Variants in RNF130 observed in about 807,000 individuals in gnomAD.
RNF130 encodes the protein E3 ubiquitin-protein ligase RNF130.
RNF130 carries 21 observed loss-of-function variants against 44.6 expected under a neutral mutation model. The observed-to-expected ratio is 0.47, with a 90% confidence interval of 0.33 to 0.68. The LOEUF is 0.68. Ranked by LOEUF, RNF130 falls within the 30% of genes least tolerant of loss-of-function variation. RNF130 has a pLI of 0.02. For missense variants in RNF130, 479 were observed against 560.6 expected (o/e 0.85, Z 1.47); for synonymous variants, 214 against 210.4 (o/e 1.02, Z -0.15).
intron 2 of RNF130, among the ~76,000 whole-genome samples, chr5:180,018,392 G>A (rs777016831): frequency 2.0e-5 from 3 of 152,170 alleles, no homozygotes; most frequent in Non-Finnish European, 2.9e-5. Flanking sequence ...TTACAATCAT[G>A]GCAGAAGGCA....
At chr5:180,048,551 T>A (rs1259104462) in intron 1 of RNF130, among the ~76,000 whole-genome samples, 1 of 152,066 alleles carries the variant, frequency 6.6e-6, no homozygotes, top group Admixed American at 6.5e-5. Flanking sequence ...GGTGGGAGAA[T>A]CCCTTGAGCC....
At chr5:180,004,493 C>T (rs1290900903) in intron 3 of RNF130, among the ~76,000 whole-genome samples, 1 of 152,190 alleles carries the variant, frequency 6.6e-6, no homozygotes, top group East Asian at 1.9e-4. Flanking sequence ...CACTTCAGTT[C>T]TTCCTCCACT....
At chr5:179,972,111 G>C (rs1719028786) in intron 5 of RNF130, among the ~76,000 whole-genome samples, 1 of 152,164 alleles carries the variant, frequency 6.6e-6, no homozygotes, top group African/African-American at 2.4e-5. Context: ...GTTATGTCTT[G>C]TTACTCGTAG....
chr5:179,917,400 TCTTC>T (rs1324559526), exon 8 of RNF130: 1 of 152,276 alleles, frequency 6.6e-6, no homozygotes, highest in East Asian at 1.9e-4. Flanking sequence ...CTCCTCAGCC[TCTTC>T]CTTACTTCAA....
chr5:180,036,439 C>G (rs1764251005), intron 2 of RNF130, among the ~76,000 whole-genome samples: 2 of 152,216 alleles, frequency 1.3e-5, no homozygotes, highest in African/African-American at 4.8e-5. Context: ...ACAGAAACTG[C>G]CAGTCCTTGC....
intron 1 of RNF130, among the ~76,000 whole-genome samples, chr5:180,058,021 C>A (rs910732728): frequency 6.6e-6 from 1 of 152,152 alleles, no homozygotes; most frequent in Admixed American, 6.6e-5. Context: ...TGTAGGACAT[C>A]CAATTGATGT....
Position 180,040,491 on chromosome 5 carries a change from T to C in RNF130, c.404A>G (p.Asn135Ser). 1 of 1,614,054 alleles carries C rather than the reference T, an allele frequency of 6.2e-7. No homozygotes were observed. Among genetic ancestry groups the C allele is most frequent in the Non-Finnish European group, 8.5e-7 (1 of 1,179,958 alleles). Residue 135 changes from asparagine (N) to serine (S), a missense_variant, in exon 2 of 9, where the codon AAT becomes AGT. By Grantham distance (46) the Asn-to-Ser change is conservative. Around this residue, in one of 3 missense-constraint regions of RNF130, gnomAD observed 180 missense variants for 275.1 expected, o/e 0.65. Coordinates refer to ENST00000521389, the MANE Select transcript of RNF130 (RefSeq NM_018434.6). The part of the protein sequence containing the change: ...HNAVAVVIYN[N>S]KSKEEPVTMT... ...GGTAACTGGCTCCTCTTTGGATTTATTATTGTAGATGACTACAGCAACTGC... is the reference window on the plus strand; with the variant it reads ...GGTAACTGGCTCCTCTTTGGATTTACTATTGTAGATGACTACAGCAACTGC...
At position 179,945,714 on chromosome 5, in the gene RNF130, C is replaced by A. The variant is rs551974737; in HGVS notation, c.1150+21092G>T. ...AGACTCCAGAGGGACAATGGAAATT[C>A]AATTTGCTTTGCCCTAAGCTTATGA... On this transcript the variant is annotated intron_variant, in intron 7 of 7. Coordinates refer to the RNF130 transcript ENST00000522208. Among the ~76,000 whole-genome samples, 893 of 152,162 alleles carry A rather than the reference C, an allele frequency of 5.9e-3. 5 individuals carry two copies. Among genetic ancestry groups the A allele is most frequent in the Non-Finnish European group, 7.1e-3 (483 of 68,016 alleles).
chr5:180,016,105 C>T (rs1247837565), intron 2 of RNF130, among the ~76,000 whole-genome samples: 1 of 152,020 alleles, frequency 6.6e-6, no homozygotes, highest in Non-Finnish European at 1.5e-5. Context: ...GAGCCCGACC[C>T]TGCCGATCGG....
chr5:179,992,156 T>G (rs1763097134), intron 3 of RNF130, among the ~76,000 whole-genome samples: 1 of 152,212 alleles, frequency 6.6e-6, no homozygotes, highest in Admixed American at 6.5e-5. Context: ...TTGCTTTTTG[T>G]TTTGAGATGG....
chr5:180,009,379 T>C (rs1440505911), intron 3 of RNF130, among the ~76,000 whole-genome samples: 1 of 152,154 alleles, frequency 6.6e-6, no homozygotes, highest in African/African-American at 2.4e-5. Flanking sequence ...CTGGAATACA[T>C]AAAAAGCTCT....
At chr5:179,989,858 T>C (rs1360135859) in intron 3 of RNF130, among the ~76,000 whole-genome samples, 1 of 152,214 alleles carries the variant, frequency 6.6e-6, no homozygotes, top group African/African-American at 2.4e-5. Context: ...TTGATTCCTT[T>C]CTCTTCTTCG....
exon 8 of RNF130, chr5:179,920,290 C>T (rs1042346425): frequency 1.5e-6 from 1 of 687,520 alleles, no homozygotes. Context: ...AAAGCAGTGA[C>T]CCCAACAGCC....
intron 7 of RNF130, among the ~76,000 whole-genome samples, chr5:179,936,628 C>A (rs1462976636): frequency 1.3e-5 from 2 of 152,264 alleles, no homozygotes; most frequent in South Asian, 4.1e-4. Flanking sequence ...AGATACCAAC[C>A]GTTAGCCTTT....
chr5:179,929,257 T>C (rs1761772586), intron 7 of RNF130, among the ~76,000 whole-genome samples: 1 of 152,222 alleles, frequency 6.6e-6, no homozygotes, highest in Non-Finnish European at 1.5e-5. Context: ...ACCTCTGTCA[T>C]GAGCCAAGTG....
chr5:180,067,097 G>C (rs1442297799), intron 1 of RNF130, among the ~76,000 whole-genome samples: 4 of 152,166 alleles, frequency 2.6e-5, no homozygotes, highest in Non-Finnish European at 4.4e-5. Flanking sequence ...AGGGATCTCA[G>C]AAGTTATCTA....
chr5:180,028,026 T>C (rs892796312), intron 2 of RNF130, among the ~76,000 whole-genome samples: 1 of 152,246 alleles, frequency 6.6e-6, no homozygotes, highest in African/African-American at 2.4e-5. Flanking sequence ...CTGCTCTGAA[T>C]TGAATTTACT....
chr5:179,976,353 T>C (rs1762715917), intron 5 of RNF130, among the ~76,000 whole-genome samples: 1 of 152,298 alleles, frequency 6.6e-6, no homozygotes, highest in Non-Finnish European at 1.5e-5. Flanking sequence ...AGGTGCCATA[T>C]GGTTCTGGAG....
At chr5:180,036,973 C>T (rs1047428807) in intron 2 of RNF130, among the ~76,000 whole-genome samples, 2 of 152,062 alleles carry the variant, frequency 1.3e-5, no homozygotes, top group African/African-American at 2.4e-5. Context: ...TAGTTTATAC[C>T]TATATACATG....
Sources: gnomAD v4.1 joint callset for allele counts (sites outside exome capture counted in the v4.1 genomes callset) on GRCh38, gnomAD v4.1.1 for gene constraint, gnomAD v4.1.1 regional missense constraint, MANE v1.5 for transcripts, NCBI Gene and HGNC (gene_info 2026-07-23, HGNC 2026-07-21) for gene names.